The following TYW1B variants were observed in gnomAD, a reference collection of about 807,000 sequenced individuals.
The protein encoded by TYW1B is S-adenosyl-L-methionine-dependent tRNA 4-demethylwyosine synthase TYW1B.
TYW1B carries 73 observed loss-of-function variants against 86.9 expected under a neutral mutation model. The ratio of observed to expected loss-of-function variants is 0.84; its 90% CI spans 0.70 to 1.02. The LOEUF (loss-of-function observed/expected upper bound fraction) is 1.02. Ranked by LOEUF, TYW1B falls within the 50% of genes least tolerant of loss-of-function variation. TYW1B has a pLI of 0.00. For missense variants in TYW1B, 637 were observed against 827.4 expected (o/e 0.77, Z 2.82); for synonymous variants, 248 against 292.8 (o/e 0.85, Z 1.56).
intron 10 of TYW1B, chr7:72,698,052 A>G (rs1814365936): frequency 6.5e-6 from 1 of 154,200 alleles, no homozygotes; most frequent in South Asian, 2.0e-4. Flanking sequence ...CTTGGGATAA[A>G]AAAAAATAAG....
In TYW1B at chr7:72,757,060, C is replaced by A. The variant is rs368980740; in HGVS notation, c.965-12459G>T. ...AAATGAATAAAAACGTATCTCCATG[C>A]GAAAATATGTACATATAACAATGTC... On this transcript the variant is annotated intron_variant, in intron 7 of 13. Coordinates refer to ENST00000620995, the MANE Select transcript of TYW1B (RefSeq NM_001145440.3). 1.4e-4 allele frequency among the ~76,000 whole-genome samples: 21 copies of A among 152,058 alleles called. No homozygotes were observed. The East Asian group carries it at 3.1e-3, about 22-fold the overall frequency.
At chr7:72,634,355 T>C (rs1368223685) in intron 11 of TYW1B, among the ~76,000 whole-genome samples, 5 of 142,232 alleles carry the variant, frequency 3.5e-5, no homozygotes, top group Non-Finnish European at 4.7e-5. Context: ...TTTTTTTTTT[T>C]CTTTTTTTTT....
intron 6 of TYW1B, 133 bp from the exon 7 acceptor site, chr7:72,777,666 A>G (rs551437767): frequency 1.8e-6 from 2 of 1,097,902 alleles, no homozygotes; most frequent in African/African-American, 1.6e-5. Context: ...CTGTAATCCC[A>G]GCATTTTAGA....
intron 13 of TYW1B, among the ~76,000 whole-genome samples, chr7:72,592,749 A>G (rs534460238): frequency 4.7e-4 from 71 of 152,372 alleles, no homozygotes; most frequent in Non-Finnish European, 9.0e-4. Context: ...GAGCGGCTCT[A>G]CTAATATCAA....
At chr7:72,665,393 A>C (rs35995411) in intron 11 of TYW1B, among the ~76,000 whole-genome samples, 1 of 149,964 alleles carries the variant, frequency 6.7e-6, no homozygotes, top group Non-Finnish European at 1.5e-5. Flanking sequence ...CACTGTATCA[A>C]CCTCTGGTTC....
chr7:72,728,654 T>A (rs1787049246), intron 9 of TYW1B, among the ~76,000 whole-genome samples, 168 bp downstream of exon 9: 1 of 152,188 alleles, frequency 6.6e-6, no homozygotes, highest in Admixed American at 6.5e-5. Context: ...ATATGGGAAG[T>A]AAAAGCTAAA....
intron 4 of TYW1B, 58 bp downstream of exon 4, chr7:72,810,413 T>C (rs879948147): frequency 5.0e-5 from 78 of 1,545,896 alleles, no homozygotes; most frequent in East Asian, 2.9e-4. Context: ...TACGTGTGTG[T>C]GCGTGTGTGT....
intron 11 of TYW1B, among the ~76,000 whole-genome samples, chr7:72,633,376 T>C (rs1812588524): frequency 6.6e-6 from 1 of 152,138 alleles, no homozygotes; most frequent in Admixed American, 6.5e-5. Context: ...CCAAAAACCC[T>C]CCCAAGCTAA....
chr7:72,818,815 C>A (rs1554479915), intron 2 of TYW1B, among the ~76,000 whole-genome samples: 1 of 151,770 alleles, frequency 6.6e-6, no homozygotes, highest in African/African-American at 2.4e-5. Context: ...TTTTAAACAG[C>A]CAGATCTCAT....
intron 11 of TYW1B, among the ~76,000 whole-genome samples, chr7:72,659,751 GA>G (rs1171121694): frequency 6.6e-6 from 1 of 151,978 alleles, no homozygotes; most frequent in Admixed American, 6.6e-5. Flanking sequence ...CAGCAAAGAA[GA>G]AAAAAACAAT....
At position 72,732,216 on chromosome 7, in the gene TYW1B, T is replaced by C. The variant is rs146146045; in HGVS notation, c.1083-3285A>G. Among the ~76,000 whole-genome samples the C allele has an allele frequency of 3.4e-3, 517 of 152,262 alleles. 1 individual carries two copies. Among genetic ancestry groups the C allele is most frequent in the African/African-American group, 0.011 (470 of 41,548 alleles). On this transcript the variant is annotated intron_variant, in intron 8 of 13. Coordinates refer to ENST00000620995, the MANE Select transcript of TYW1B (RefSeq NM_001145440.3). Reference sequence around the variant, plus strand: ...GCATCAACATCACACTCTCTCAGAATTGGACAGATCACCTAGACAGAAAAT... The same window carrying C: ...GCATCAACATCACACTCTCTCAGAACTGGACAGATCACCTAGACAGAAAAT...
intron 7 of TYW1B, among the ~76,000 whole-genome samples, chr7:72,757,217 A>C (rs1414918820): frequency 6.6e-6 from 1 of 151,964 alleles, no homozygotes; most frequent in Non-Finnish European, 1.5e-5. Flanking sequence ...AAAATACAAA[A>C]ATTAGCCAGG....
chr7:72,590,546 A>G (rs1811374082), intron 13 of TYW1B, among the ~76,000 whole-genome samples: 1 of 152,076 alleles, frequency 6.6e-6, no homozygotes, highest in South Asian at 2.1e-4. Flanking sequence ...AAATAAACAT[A>G]TTTATAGGGA....
At chr7:72,587,657 G>T (rs1554430714) in intron 13 of TYW1B, among the ~76,000 whole-genome samples, 3 of 152,266 alleles carry the variant, frequency 2.0e-5, no homozygotes, top group Non-Finnish European at 4.4e-5. Flanking sequence ...TTTAGGGAGG[G>T]TCAGAATCTT....
intron 12 of TYW1B, among the ~76,000 whole-genome samples, chr7:72,622,397 A>G (rs1156911062): frequency 2.0e-5 from 3 of 152,242 alleles, no homozygotes; most frequent in Non-Finnish European, 4.4e-5. Context: ...CTGGGCATAC[A>G]TTACCCCATT....
chr7:72,814,803 G>A (rs1187044673), intron 3 of TYW1B, among the ~76,000 whole-genome samples: 11 of 151,120 alleles, frequency 7.3e-5, no homozygotes, highest in African/African-American at 2.2e-4. Flanking sequence ...AGTCGCTCAC[G>A]CCTATAATCC....
intron 11 of TYW1B, among the ~76,000 whole-genome samples, chr7:72,666,505 G>T (rs1363176846): frequency 6.6e-6 from 1 of 152,036 alleles, no homozygotes; most frequent in Non-Finnish European, 1.5e-5. Flanking sequence ...GAAATACAGT[G>T]GGCAGCAGGA....
Position 72,657,910 on chromosome 7 carries a change from A to G in TYW1B, c.1507-28913T>C, listed in dbSNP as rs77472497. 3.2e-4 allele frequency among the ~76,000 whole-genome samples: 48 copies of G among 152,360 alleles called. No homozygotes were observed. The East Asian group carries it at 8.3e-3, about 26-fold the overall frequency. On this transcript the variant is annotated intron_variant, in intron 11 of 13. Transcript: ENST00000620995. ...CAAAATACAAGTTTATTGAAAAATA[A>G]AAGTATGCTCAACTGTTTATAATCA...
At chr7:72,730,293 A>G (rs1787079925) in intron 8 of TYW1B, among the ~76,000 whole-genome samples, 1 of 151,912 alleles carries the variant, frequency 6.6e-6, no homozygotes, top group Non-Finnish European at 1.5e-5. Context: ...AGGAAACTCA[A>G]GAGAGATACA....
Sources: allele counts gnomAD v4.1 joint callset (sites outside exome capture counted in the v4.1 genomes callset), GRCh38; gene constraint gnomAD v4.1.1; transcripts MANE v1.5; gene names NCBI Gene and HGNC (gene_info 2026-07-23, HGNC 2026-07-21).